The following MSRB3 variants were observed in gnomAD, a reference collection of about 807,000 sequenced individuals.
MSRB3 encodes the protein methionine-R-sulfoxide reductase B3.
MSRB3 carries 13 observed loss-of-function variants against 21.0 expected under a neutral mutation model. The ratio of observed to expected loss-of-function variants is 0.62; its 90% CI spans 0.40 to 0.98. MSRB3 has a LOEUF of 0.98. Among genes scored for constraint, MSRB3 ranks in the 50% least tolerant of loss-of-function variants. The pLI is 0.00. For missense variants in MSRB3, 199 were observed against 230.3 expected, an observed-to-expected ratio of 0.86 and a Z score of 0.88; for synonymous variants, 87 against 88.6, an observed-to-expected ratio of 0.98 and a Z score of 0.10.
At chr12:65,437,072 C>T (rs567085556) in intron 5 of MSRB3, among the ~76,000 whole-genome samples, 8 of 151,874 alleles carry the variant, frequency 5.3e-5, no homozygotes, top group Admixed American at 4.6e-4. Flanking sequence ...TGTGTGTGGC[C>T]TTATACTTTC....
At chr12:65,356,146 C>T (rs1483892016) in intron 4 of MSRB3, among the ~76,000 whole-genome samples, 1 of 151,556 alleles carries the variant, frequency 6.6e-6, no homozygotes, top group African/African-American at 2.4e-5. Flanking sequence ...TTTTACTGAC[C>T]ACAGAAAATT....
intron 2 of MSRB3, among the ~76,000 whole-genome samples, chr12:65,325,960 A>G (rs1406870725): frequency 1.3e-5 from 2 of 152,242 alleles, no homozygotes; most frequent in Non-Finnish European, 2.9e-5. Flanking sequence ...AAAAGCTGCC[A>G]TTGTTATTAG....
chr12:65,433,805 A>G (rs2136667796), intron 5 of MSRB3, among the ~76,000 whole-genome samples: 1 of 151,920 alleles, frequency 6.6e-6, no homozygotes. Context: ...TGTCTCCAAG[A>G]TTCTCTCTTA....
At chr12:65,360,902 T>G (rs1877661725) in intron 4 of MSRB3, among the ~76,000 whole-genome samples, 1 of 152,114 alleles carries the variant, frequency 6.6e-6, no homozygotes, top group Non-Finnish European at 1.5e-5. Context: ...CATAATTAGG[T>G]CATTTGTGTT....
intron 5 of MSRB3, among the ~76,000 whole-genome samples, chr12:65,384,856 C>A (rs549043072): frequency 7.2e-5 from 11 of 152,170 alleles, no homozygotes; most frequent in Non-Finnish European, 1.3e-4. Context: ...TACAGCTAGG[C>A]AGATCTTCAT....
chr12:65,431,717 T>G (rs1212591804), intron 5 of MSRB3, among the ~76,000 whole-genome samples: 1 of 152,068 alleles, frequency 6.6e-6, no homozygotes, highest in Non-Finnish European at 1.5e-5. Context: ...GACATGCGAG[T>G]TTCAGAAATT....
intron 1 of MSRB3, among the ~76,000 whole-genome samples, chr12:65,303,620 G>A (rs898031595): frequency 6.6e-6 from 1 of 152,114 alleles, no homozygotes. Flanking sequence ...CATTTTCATA[G>A]TCTTTCACTC....
chr12:65,457,062 G>A (rs1883121128), intron 6 of MSRB3, among the ~76,000 whole-genome samples: 1 of 151,786 alleles, frequency 6.6e-6, no homozygotes, highest in South Asian at 2.1e-4. Flanking sequence ...AAAAGATTTA[G>A]TAGTTCCCAT....
At chr12:65,409,315 A>G (rs549467668) in intron 5 of MSRB3, among the ~76,000 whole-genome samples, 1 of 152,058 alleles carries the variant, frequency 6.6e-6, no homozygotes, top group African/African-American at 2.4e-5. Flanking sequence ...TTAAACCTAG[A>G]TTGTGTAGCC....
chr12:65,450,388 G>A (rs2136696813), intron 5 of MSRB3, among the ~76,000 whole-genome samples: 1 of 152,168 alleles, frequency 6.6e-6, no homozygotes, highest in South Asian at 2.1e-4. Flanking sequence ...TCTTTGAAGG[G>A]TGAAACTATT....
intron 5 of MSRB3, among the ~76,000 whole-genome samples, chr12:65,413,605 C>A (rs1880825436): frequency 6.6e-6 from 1 of 152,048 alleles, no homozygotes; most frequent in African/African-American, 2.4e-5. Context: ...TTTTTCAGTG[C>A]TTTACTATGT....
At chr12:65,420,104 C>T (rs1382101432) in intron 5 of MSRB3, 1 of 432,744 alleles carries the variant, frequency 2.3e-6, no homozygotes, top group South Asian at 2.0e-5. Context: ...AGATGAGGCT[C>T]TAATTTTATT....
chr12:65,455,731 T>C (rs1424416469), intron 6 of MSRB3, among the ~76,000 whole-genome samples: 1 of 152,048 alleles, frequency 6.6e-6, no homozygotes, highest in East Asian at 1.9e-4. Flanking sequence ...TAATGCGATA[T>C]AGTTTGGGGT....
intron 5 of MSRB3, among the ~76,000 whole-genome samples, chr12:65,444,755 T>G (rs1411133889): frequency 1.3e-5 from 2 of 152,194 alleles, no homozygotes; most frequent in Non-Finnish European, 2.9e-5. Context: ...TTCTCTAGAT[T>G]ATGTGACTGC....
In MSRB3 at chr12:65,321,507, A is replaced by G. The variant is rs1258161942; in HGVS notation, c.77-5319A>G. Among the ~76,000 whole-genome samples the G allele has an allele frequency of 7.9e-5, 12 of 152,128 alleles. 1 individual carries two copies. The highest frequency in any genetic ancestry group is 7.9e-4 in the Admixed American group (12 of 15,256). On this transcript the variant is annotated intron_variant, in intron 2 of 6. Coordinates refer to ENST00000308259, the MANE Select transcript of MSRB3 (RefSeq NM_001031679.3). Reference sequence around the variant, plus strand: ...TCCTGACATCTTAGACTGTATGTTAATCTCAGGAATGTTTTTCCTATATAT... The same window carrying G: ...TCCTGACATCTTAGACTGTATGTTAGTCTCAGGAATGTTTTTCCTATATAT...
intron 5 of MSRB3, among the ~76,000 whole-genome samples, chr12:65,436,064 G>A (rs1335112813): frequency 6.6e-6 from 1 of 151,784 alleles, no homozygotes; most frequent in Non-Finnish European, 1.5e-5. Context: ...AGTGTCCCTG[G>A]AATATTCAGG....
Position 65,326,849 on chromosome 12 carries a change from T to G in MSRB3, c.100T>G (p.Cys34Gly), listed in dbSNP as rs1259506992. The part of the protein sequence containing the change: ...PSGSCRDKKN[C>G]KVVFSQQELR... Reference sequence around the variant, plus strand: ...AGGGTCGTGTAGGGATAAAAAGAACTGTAAGGTGGTCTTTTCCCAGCAGGA... The same window carrying G: ...AGGGTCGTGTAGGGATAAAAAGAACGGTAAGGTGGTCTTTTCCCAGCAGGA... The change falls in exon 3 of 7, where the codon TGT (cysteine) becomes GGT (glycine). Residue 34 changes from cysteine (C) to glycine (G), a missense_variant. Transcript: ENST00000308259. 1 of 1,610,264 alleles carries G rather than the reference T, an allele frequency of 6.2e-7. No homozygotes were observed. Among genetic ancestry groups the G allele is most frequent in the Admixed American group, 1.7e-5 (1 of 59,612 alleles).
At chr12:65,308,926 A>G in intron 2 of MSRB3, 2 of 503,596 alleles carry the variant, frequency 4.0e-6, no homozygotes, top group South Asian at 4.5e-5. Flanking sequence ...AATGCACACT[A>G]CACATCTGCA....
intron 5 of MSRB3, among the ~76,000 whole-genome samples, chr12:65,404,056 C>T (rs758620627): frequency 4.3e-4 from 66 of 152,370 alleles, no homozygotes; most frequent in Non-Finnish European, 4.3e-4. Flanking sequence ...ATTTGATCAT[C>T]TTGCCAGCCA....
Sources: allele counts gnomAD v4.1 joint callset (sites outside exome capture counted in the v4.1 genomes callset), GRCh38; gene constraint gnomAD v4.1.1; transcripts MANE v1.5; gene names NCBI Gene and HGNC (gene_info 2026-07-23, HGNC 2026-07-21).